The following ARAF variants were observed in gnomAD, a reference collection of about 807,000 sequenced individuals.
ARAF encodes the protein serine/threonine-protein kinase A-Raf.
Under a neutral mutation model 48.0 loss-of-function variants are expected in ARAF, and 18 were observed. The ratio of observed to expected loss-of-function variants is 0.37; its 90% CI spans 0.26 to 0.56. ARAF has a LOEUF of 0.56. Ranked by LOEUF, ARAF falls within the 20% of genes least tolerant of loss-of-function variation. The pLI is 0.77. For synonymous variants in ARAF, 207 were observed against 220.1 expected (o/e 0.94, Z 0.53); for missense variants, 389 against 543.1 (o/e 0.72, Z 2.82).
intron 15 of ARAF, 133 bp from the exon 16 acceptor site, chrX:47,571,190 C>T (rs1004488370): frequency 1.3e-4 from 128 of 989,644 alleles, no homozygotes; most frequent in South Asian, 7.1e-4. Flanking sequence ...ATGTGTGTTT[C>T]GCCATGAGGC....
rs909085579 is a variant in ARAF, at chrX:47,571,228, T to G, written c.1687-95T>G. On this transcript the variant is annotated intron_variant, in intron 15 of 15. Transcript: ENST00000377045. Reference sequence around the variant, plus strand: ...GGACTGTTGGGTGTGTGTGTGTGTGTGTGTGTGTGTGTGTGTGTGTTTCGC... The same window carrying G: ...GGACTGTTGGGTGTGTGTGTGTGTGGGTGTGTGTGTGTGTGTGTGTTTCGC... 731 of 943,192 alleles carry G rather than the reference T, an allele frequency of 7.8e-4. 11 individuals are homozygous for G. Among genetic ancestry groups the G allele is most frequent in the Admixed American group, 2.8e-3 (88 of 31,375 alleles). The allele number at this position is 943,192 out of a possible 1,213,427, so 77.7% of individuals were successfully genotyped here. A position where few individuals can be genotyped will look rare whatever the true frequency, so the allele number is the denominator to read the frequency against.
In ARAF at chrX:47,570,964, G is replaced by C. The variant is rs1348190598; in HGVS notation, c.1638G>C (p.Leu546=). The change falls in exon 15 of 16, where the codon CTG becomes CTC. Residue 546 remains leucine (L), a synonymous_variant. Coordinates refer to ENST00000377045, the MANE Select transcript of ARAF (RefSeq NM_001654.5). ...GCCCCAAGGCCATGCGGCGCCTGCT[G>C]TCTGACTGCCTCAAGTTCCAGCGGG... is the stretch of plus-strand genomic sequence containing the variant. ...SNCPKAMRRL[L]SDCLKFQREE... is the part of the protein sequence containing the mutation. 1 of 1,212,258 alleles carries C rather than the reference G, an allele frequency of 8.2e-7. No homozygotes were observed. The highest frequency in any genetic ancestry group is 2.2e-5 in the Admixed American group (1 of 46,144).
In ARAF at chrX:47,563,348, C is replaced by T. The variant is rs369700331; in HGVS notation, c.200+19C>T. 5.2e-6 allele frequency: 6 copies of T among 1,150,681 alleles called. No homozygotes were observed. In the African/African-American group the frequency reaches 7.1e-5, roughly 14 times the overall value. 94.8% of individuals were successfully genotyped at this position (1,150,681 alleles called of 1,213,427 possible). A position where few individuals can be genotyped will look rare whatever the true frequency, so the allele number is the denominator to read the frequency against. ...TCAAGGGGTGAGTGTGGCAGCCCCACGCCCACCCACTGGGTGTCCCACCTC... is the reference window on the plus strand; with the variant it reads ...TCAAGGGGTGAGTGTGGCAGCCCCATGCCCACCCACTGGGTGTCCCACCTC... On this transcript the variant is annotated intron_variant, in intron 3 of 15. Coordinates refer to ENST00000377045, the MANE Select transcript of ARAF (RefSeq NM_001654.5).
chrX:47,570,187 C>A (rs1319877766), intron 14 of ARAF, 163 bp downstream of exon 14: 6 of 590,948 alleles, frequency 1.0e-5, no homozygotes, highest in Non-Finnish European at 1.5e-5. Context: ...CAGACACTTA[C>A]AATAAATTCT....
chrX:47,570,256 A>C (rs2147909198), intron 14 of ARAF: 2 of 367,796 alleles, frequency 5.4e-6, no homozygotes, highest in South Asian at 5.5e-5. Context: ...TGGGACAAAA[A>C]TCTTTGAAGT....
rs2147907030 is a variant in ARAF, at chrX:47,567,241, G to A, written c.885G>A (p.Gly295=). ...CATCTGGCCCACAGAAGAACCTGGG[G>A]TACCGGGACTCAGGCTATTACTGGG... The part of the protein sequence containing the change: ...ADDKKKVKNL[G]YRDSGYYWEV... The change falls in exon 10 of 16, where the codon GGG becomes GGA. Residue 295 remains glycine, a synonymous_variant. Coordinates refer to ENST00000377045, the MANE Select transcript of ARAF (RefSeq NM_001654.5). The A allele has an allele frequency of 8.3e-7, 1 of 1,211,718 alleles. No homozygotes were observed.
In ARAF at chrX:47,567,515, C is replaced by T. The variant is rs1474808333; in HGVS notation, c.1076+83C>T. ...GGAAAAGGCCATGCTTGGAGTGCTT[C>T]CTGGACATCACCTGTGTTTGTGTTG... On this transcript the variant is annotated intron_variant, in intron 10 of 15. Coordinates refer to ENST00000377045, the MANE Select transcript of ARAF (RefSeq NM_001654.5). The T allele has an allele frequency of 4.0e-6, 4 of 996,663 alleles. No homozygotes were observed. The African/African-American group carries it at 5.7e-5, about 14-fold the overall frequency. The allele number at this position is 996,663 out of a possible 1,213,427, so 82.1% of individuals were successfully genotyped here.
At position 47,566,992 on chromosome X, in the gene ARAF, G is replaced by A. The variant is rs758229241; in HGVS notation, c.734G>A (p.Gly245Asp). 5.0e-6 allele frequency: 6 copies of A among 1,211,646 alleles called. No homozygotes were observed. Among genetic ancestry groups the A allele is most frequent in the Non-Finnish European group, 6.7e-6 (6 of 895,437 alleles). Residue 245 changes from glycine to aspartate, a missense_variant, in exon 9 of 16, where the codon GGT (glycine) becomes GAT (aspartate). Coordinates refer to ENST00000377045, the MANE Select transcript of ARAF (RefSeq NM_001654.5). ...ATCCTCTCTGCAACTGCAGCTGCCG[G>A]TAGTAGAGGAGGTAGTGATGGAACC... ...TGQSFSTDAA[G>D]SRGGSDGTPR...
intron 10 of ARAF, among the ~76,000 whole-genome samples, chrX:47,568,415 G>A (rs1261594184): frequency 9.1e-6 from 1 of 110,290 alleles, no homozygotes; most frequent in Admixed American, 9.6e-5. Context: ...GGTGGGGGAT[G>A]TTAATGATTA....
rs756684682 is a variant in ARAF at position 47,568,769 on chromosome X, G to A, written c.1128G>A (p.Pro376=). Residue 376 remains proline, a synonymous_variant, in exon 11 of 16, where the codon CCG becomes CCA. Transcript: ENST00000377045. ...ILLFMGFMTR[P]GFAIITQWCE... is the part of the protein sequence containing the mutation. ...TGTTTATGGGCTTCATGACCCGGCC[G>A]GGATTTGCCATCATCACACAGTGGT... 2.5e-5 allele frequency: 30 copies of A among 1,209,609 alleles called. No homozygotes were observed. In the South Asian group the frequency reaches 3.9e-4, roughly 16 times the overall value.
chrX:47,566,261 G>A (rs2147905112), intron 6 of ARAF, among the ~76,000 whole-genome samples: 1 of 111,802 alleles, frequency 8.9e-6, no homozygotes, highest in East Asian at 2.8e-4. Flanking sequence ...GCCTTTAGGC[G>A]TTTACTCCAT....
chrX:47,562,240 T>C (rs750165219), intron 1 of ARAF, among the ~76,000 whole-genome samples: 2 of 109,844 alleles, frequency 1.8e-5, no homozygotes, highest in African/African-American at 3.3e-5. Flanking sequence ...CCAGGACACT[T>C]TGGGAGGCTG....
rs767276942 is a variant in ARAF, at chrX:47,568,697, C to A, written c.1077-21C>A. Reference sequence around the variant, plus strand: ...TGCTATTTTTCCTCCCCACCTCTGACACTGCCCTCCCTGCCTGCAGGAAGA... The same window carrying A: ...TGCTATTTTTCCTCCCCACCTCTGAAACTGCCCTCCCTGCCTGCAGGAAGA... On this transcript the variant is annotated intron_variant, in intron 10 of 15. Transcript: ENST00000377045. 4.1e-6 allele frequency: 5 copies of A among 1,205,807 alleles called. No individual in the cohort carries two copies. In the South Asian group the frequency reaches 8.8e-5, roughly 21 times the overall value.
At chrX:47,561,532 C>A (rs2057708150) in intron 1 of ARAF, among the ~76,000 whole-genome samples, 1 of 111,684 alleles carries the variant, frequency 9.0e-6, no homozygotes, top group Non-Finnish European at 1.9e-5. Context: ...GGGACCCGAC[C>A]GAGTGGTGCC....
rs1173888419 is a variant in ARAF, at chrX:47,561,430, TAACAGGA to T, written c.-60+181_-60+187del. 3.6e-5 allele frequency among the ~76,000 whole-genome samples: 4 copies of T among 111,028 alleles called. No homozygotes were observed. In the Admixed American group the frequency reaches 3.8e-4, roughly 10 times the overall value. ...TCGTCGACAGCGGGGGTGGGGTGGG[TAACAGGA>T]ATAGGCGGGCAAGGCTGCGGGTGAT... On this transcript the variant is annotated intron_variant, in intron 1 of 15. Coordinates refer to ENST00000377045, the MANE Select transcript of ARAF (RefSeq NM_001654.5).
At chrX:47,564,533 G>A (rs756511455) in intron 3 of ARAF, among the ~76,000 whole-genome samples, 12 of 112,179 alleles carry the variant, frequency 1.1e-4, no homozygotes, top group African/African-American at 3.2e-4. Flanking sequence ...CTCCCCTTCC[G>A]TTTCAGAGCA....
intron 10 of ARAF, 144 bp from the exon 11 acceptor site, chrX:47,568,574 C>T: frequency 3.5e-6 from 2 of 578,998 alleles, no homozygotes; most frequent in Admixed American, 6.6e-5. Context: ...TGGAATCTGG[C>T]AATGCTTTGG....
chrX:47,571,378 C>CCTCGGAACCCTCCTTG lies in ARAF; in HGVS notation c.1744_1759dup (p.His587LeufsTer12). 1 of 1,210,359 alleles carries CCTCGGAACCCTCCTTG rather than the reference C, an allele frequency of 8.3e-7. No individual in the cohort carries two copies. The highest frequency in any genetic ancestry group is 1.1e-6 in the Non-Finnish European group (1 of 894,876). ...TCACTCCCCAAGATTGAGCGGAGTG[C>CCTCGGAACCCTCCTTG]CTCGGAACCCTCCTTGCACCGCACC... On this transcript the variant is annotated frameshift_variant, in exon 16 of 16. Transcript: ENST00000377045. LOFTEE classifies it high-confidence loss of function.
chrX:47,567,310 G>T lies in ARAF; in HGVS notation c.954G>T (p.Thr318=), dbSNP rs375847681. ...TGCAGCTGCTGAAGAGGATCGGGAC[G>T]GGCTCGTTTGGCACCGTGTTTCGAG... ...SEVQLLKRIG[T]GSFGTVFRGR... is the part of the protein sequence containing the mutation. Residue 318 remains threonine, a synonymous_variant, in exon 10 of 16, where the codon ACG becomes ACT. Transcript: ENST00000377045. 4 of 1,211,247 alleles carry T rather than the reference G, an allele frequency of 3.3e-6. No homozygotes were observed. Among genetic ancestry groups the T allele is most frequent in the Non-Finnish European group, 3.4e-6 (3 of 895,351 alleles).
Sources: allele counts gnomAD v4.1 joint callset (sites outside exome capture counted in the v4.1 genomes callset), GRCh38; gene constraint gnomAD v4.1.1; transcripts MANE v1.5; gene names NCBI Gene and HGNC (gene_info 2026-07-23, HGNC 2026-07-21).